CACNB2: variants seen among roughly 807,000 people sequenced by gnomAD.
The protein encoded by CACNB2 is voltage-dependent L-type calcium channel subunit beta-2.
CACNB2 carries 42 observed loss-of-function variants against 73.3 expected under a neutral mutation model. The observed-to-expected ratio is 0.57, with a 90% confidence interval of 0.45 to 0.74. The LOEUF (loss-of-function observed/expected upper bound fraction) is 0.74, where lower values mean the gene tolerates loss of function less well. CACNB2 is among the 30% of genes least tolerant of loss of function. CACNB2 has a pLI of 0.00. For missense variants in CACNB2, 940 were observed against 853.0 expected (o/e 1.10, Z -1.27); for synonymous variants, 348 against 310.3 (o/e 1.12, Z -1.28).
intron 2 of CACNB2, among the ~76,000 whole-genome samples, chr10:18,167,724 A>G (rs934834872): frequency 1.1e-4 from 16 of 152,200 alleles, no homozygotes; most frequent in Admixed American, 1.3e-4. Context: ...CGCAGGGGGT[A>G]GCCGTTGGGG....
intron 2 of CACNB2, among the ~76,000 whole-genome samples, chr10:18,382,505 T>A (rs951501074): frequency 6.6e-5 from 10 of 152,256 alleles, no homozygotes; most frequent in African/African-American, 2.4e-4. Context: ...AAGCCCAGCA[T>A]GCATTAGCCA....
chr10:18,371,499 G>A (rs1315418301), intron 2 of CACNB2, among the ~76,000 whole-genome samples: 3 of 152,040 alleles, frequency 2.0e-5, no homozygotes, highest in African/African-American at 7.2e-5. Context: ...GAGAATGATG[G>A]TTTCCAGCTT....
chr10:18,372,083 T>A (rs375441241), intron 2 of CACNB2, among the ~76,000 whole-genome samples: 2 of 152,194 alleles, frequency 1.3e-5, no homozygotes, highest in African/African-American at 4.8e-5. Context: ...GTTTGAGTTC[T>A]TTGTAGATTC....
chr10:18,185,799 G>A (rs1326555607), intron 2 of CACNB2, among the ~76,000 whole-genome samples: 3 of 151,974 alleles, frequency 2.0e-5, no homozygotes, highest in Non-Finnish European at 4.4e-5. Context: ...TGCCTACCAT[G>A]TGCCAGAAAC....
chr10:18,416,960 T>C (rs2045005094), intron 3 of CACNB2, among the ~76,000 whole-genome samples: 1 of 151,930 alleles, frequency 6.6e-6, no homozygotes, highest in Admixed American at 6.6e-5. Context: ...CATTTTTTTT[T>C]TTTTAATGTT....
intron 2 of CACNB2, among the ~76,000 whole-genome samples, chr10:18,237,415 G>A (rs1408393783): frequency 6.6e-6 from 1 of 152,188 alleles, no homozygotes; most frequent in Non-Finnish European, 1.5e-5. Context: ...GGTGGAGGCA[G>A]AGATGGGGCA....
chr10:18,299,948 T>C (rs2039441157), intron 2 of CACNB2, among the ~76,000 whole-genome samples: 1 of 152,090 alleles, frequency 6.6e-6, no homozygotes, highest in East Asian at 1.9e-4. Context: ...TCAGTCTCAA[T>C]CTAAATTTCC....
intron 9 of CACNB2, among the ~76,000 whole-genome samples, chr10:18,526,926 C>G (rs1200427005): frequency 2.6e-5 from 4 of 152,012 alleles, no homozygotes; most frequent in Admixed American, 6.6e-5. Flanking sequence ...ACATACATAC[C>G]CTTGGATAAA....
chr10:18,518,181 G>A (rs971547778), intron 7 of CACNB2, among the ~76,000 whole-genome samples, 155 bp from the exon 8 acceptor site: 1 of 152,172 alleles, frequency 6.6e-6, no homozygotes, highest in Non-Finnish European at 1.5e-5. Flanking sequence ...ACCAATCTTT[G>A]ACTGGGTTTA....
intron 9 of CACNB2, among the ~76,000 whole-genome samples, chr10:18,523,506 C>T (rs113699630): frequency 6.6e-6 from 1 of 152,108 alleles, no homozygotes; most frequent in East Asian, 1.9e-4. Context: ...AAGTAACTTT[C>T]ATATGGTTTA....
intron 3 of CACNB2, among the ~76,000 whole-genome samples, chr10:18,482,983 T>G (rs1035024555): frequency 1.3e-5 from 2 of 152,214 alleles, no homozygotes; most frequent in African/African-American, 2.4e-5. Context: ...TCCTCCCGTG[T>G]CTGCTCTTTG....
At chr10:18,259,403 TA>T (rs894984274) in intron 2 of CACNB2, among the ~76,000 whole-genome samples, 22 of 151,540 alleles carry the variant, frequency 1.5e-4, no homozygotes, top group African/African-American at 5.3e-4. Context: ...CCTGTCTCTA[TA>T]AAAAAATTTT....
chr10:18,259,217 A>G (rs1294301583), intron 2 of CACNB2, among the ~76,000 whole-genome samples: 4 of 152,036 alleles, frequency 2.6e-5, no homozygotes, highest in South Asian at 2.1e-4. Flanking sequence ...TTTTTTTGTC[A>G]CCTCTATCAA....
intron 2 of CACNB2, among the ~76,000 whole-genome samples, chr10:18,292,326 A>G (rs1281187538): frequency 6.6e-6 from 1 of 152,242 alleles, no homozygotes; most frequent in Admixed American, 6.5e-5. Flanking sequence ...AGTAATAACA[A>G]CGGCATGTTA....
rs181152113 is a variant in CACNB2, at chr10:18,147,555, C to T, written c.121-3328C>T. On this transcript the variant is annotated intron_variant, in intron 1 of 13. Coordinates refer to ENST00000324631, the MANE Select transcript of CACNB2 (RefSeq NM_201596.3). ...CTTGTACTACAGCCAAATCCCCTTTCCTGTCTCCCCTTTTCCTTATACAAC... is the reference window on the plus strand; with the variant it reads ...CTTGTACTACAGCCAAATCCCCTTTTCTGTCTCCCCTTTTCCTTATACAAC... 3.3e-4 allele frequency among the ~76,000 whole-genome samples: 51 copies of T among 152,256 alleles called. No homozygotes were observed. The East Asian group carries it at 9.6e-3, about 29-fold the overall frequency.
intron 3 of CACNB2, among the ~76,000 whole-genome samples, chr10:18,402,863 A>T (rs145835256): frequency 6.6e-6 from 1 of 152,354 alleles, no homozygotes; most frequent in African/African-American, 2.4e-5. Flanking sequence ...GTTTTGAAAA[A>T]GGCTAAGTGC....
chr10:18,349,313 T>C (rs1346084031), intron 2 of CACNB2, among the ~76,000 whole-genome samples: 3 of 152,216 alleles, frequency 2.0e-5, no homozygotes, highest in Non-Finnish European at 2.9e-5. Context: ...AAGTCGTTTG[T>C]TTAAAGAGAC....
In CACNB2 at chr10:18,192,538, A is replaced by G. The variant is rs1224515212; in HGVS notation, c.213+41563A>G. The stretch of plus-strand genomic sequence containing the variant: ...ATTTTAAAGTGGACAATTCAGTGGC[A>G]TTAAATACATTCACGATGTTGTGTA... On this transcript the variant is annotated intron_variant, in intron 2 of 13. Transcript: ENST00000324631. 2.6e-5 allele frequency among the ~76,000 whole-genome samples: 4 copies of G among 152,198 alleles called. No individual in the cohort carries two copies. In the East Asian group the frequency reaches 5.8e-4, roughly 22 times the overall value.
rs567145289 is a variant in CACNB2 at position 18,246,191 on chromosome 10, C to T, written c.213+95216C>T. ...CCCTTCCCCTGGCTCTGAGAGCTTA[C>T]GCCAGTTAGGAACCTCTAGGCTCAG... On this transcript the variant is annotated intron_variant, in intron 2 of 13. Coordinates refer to ENST00000324631, the MANE Select transcript of CACNB2 (RefSeq NM_201596.3). 2.2e-4 allele frequency among the ~76,000 whole-genome samples: 34 copies of T among 152,266 alleles called. No homozygotes were observed. The South Asian group carries it at 3.1e-3, about 14-fold the overall frequency.
Sources: gnomAD v4.1 joint callset for allele counts (sites outside exome capture counted in the v4.1 genomes callset) on GRCh38, gnomAD v4.1.1 for gene constraint, MANE v1.5 for transcripts, NCBI Gene and HGNC (gene_info 2026-07-23, HGNC 2026-07-21) for gene names.